The following PLCH2 variants were observed in gnomAD, a reference collection of about 807,000 sequenced individuals.
PLCH2 encodes phospholipase C eta 2, also known as 1-phosphatidylinositol 4,5-bisphosphate phosphodiesterase eta-2.
Under a neutral mutation model 134.7 loss-of-function variants are expected in PLCH2, and 98 were observed. That is an observed-to-expected ratio of 0.73 (90% CI 0.62 to 0.86). The LOEUF (loss-of-function observed/expected upper bound fraction) is 0.86. PLCH2 is among the 40% of genes least tolerant of loss of function. The pLI is 0.00. For synonymous variants in PLCH2, 974 were observed against 827.5 expected, an observed-to-expected ratio of 1.18 and a Z score of -3.04; for missense variants, 1,994 against 1,986.6, an observed-to-expected ratio of 1.00 and a Z score of -0.07.
chr1:2,477,698 G>A (rs1048567308), intron 1 of PLCH2, among the ~76,000 whole-genome samples: 3 of 152,200 alleles, frequency 2.0e-5, no homozygotes, highest in Non-Finnish European at 4.4e-5. Context: ...GGGAGAGAAG[G>A]AGCGAGGCAG....
At position 2,479,724 on chromosome 1, in the gene PLCH2, C is replaced by T; in HGVS notation, c.272-10C>T. ...GGGGACCTGACCCGTGCTCCCTCCC[C>T]ACCCCGCAGTCTCCATCGACTCCAT... On this transcript the variant is annotated splice_polypyrimidine_tract_variant and intron_variant, in intron 2 of 21. Coordinates refer to ENST00000378486, the MANE Select transcript of PLCH2 (RefSeq NM_014638.4). The T allele has an allele frequency of 2.0e-6, 3 of 1,529,430 alleles. No individual in the cohort carries two copies. Among genetic ancestry groups the T allele is most frequent in the Non-Finnish European group, 2.7e-6 (3 of 1,130,392 alleles). 94.7% of individuals were successfully genotyped at this position (1,529,430 alleles called of 1,614,324 possible).
upstream of PLCH2, among the ~76,000 whole-genome samples, chr1:2,472,242 G>A (rs905748214): frequency 1.3e-5 from 2 of 152,158 alleles, no homozygotes; most frequent in African/African-American, 2.4e-5. Flanking sequence ...AATAATCTCC[G>A]CCATATGTGT....
In PLCH2 at chr1:2,502,427, G is replaced by T; in HGVS notation, c.2959+18G>T. 6.5e-7 allele frequency: 1 copy of T among 1,544,028 alleles called. No individual in the cohort carries two copies. Among genetic ancestry groups the T allele is most frequent in the Non-Finnish European group, 8.7e-7 (1 of 1,145,810 alleles). On this transcript the variant is annotated intron_variant, in intron 21 of 21. Transcript: ENST00000378486. The stretch of plus-strand genomic sequence containing the variant: ...CCCCCGAGGTAAGGCGCCAGCTGCG[G>T]TGGCAGAGAAGAGCCCTGTGCGAGT...
chr1:2,418,412 C>T, the PLCH2 span, among the ~76,000 whole-genome samples: 1 of 152,146 alleles, frequency 6.6e-6, no homozygotes, highest in Non-Finnish European at 1.5e-5. Context: ...CTGGGGGTCT[C>T]AGTGGAGGGG....
At chr1:2,497,755 G>A (rs1165758778) in intron 16 of PLCH2, 146 bp downstream of exon 16, 11 of 558,074 alleles carry the variant, frequency 2.0e-5, no homozygotes, top group African/African-American at 1.3e-4. Flanking sequence ...AGGTTGGGAC[G>A]AAGCTCCCAG....
chr1:2,479,313 C>T (rs571876407), intron 2 of PLCH2: 9 of 173,896 alleles, frequency 5.2e-5, no homozygotes, highest in East Asian at 3.0e-4. Context: ...ACAAGAGCCT[C>T]GATGCACCTG....
At chr1:2,490,420 G>A (rs978462616) in intron 10 of PLCH2, among the ~76,000 whole-genome samples, 3 of 152,240 alleles carry the variant, frequency 2.0e-5, no homozygotes, top group South Asian at 2.1e-4. Context: ...CTGTGTCCCC[G>A]CCAGGGCCAG....
At chr1:2,502,831 G>C (rs1301887437) in intron 21 of PLCH2, 2 of 717,046 alleles carry the variant, frequency 2.8e-6, no homozygotes, top group African/African-American at 3.5e-5. Context: ...GGCAACCGGG[G>C]GCCCTGCAGG....
intron 2 of PLCH2, among the ~76,000 whole-genome samples, chr1:2,451,743 G>T (rs1640241625): frequency 6.6e-6 from 1 of 152,164 alleles, no homozygotes; most frequent in Non-Finnish European, 1.5e-5. Context: ...CTCCCTGGGG[G>T]CTGGGCAGCG....
At chr1:2,483,658 C>A (rs1291427460) in intron 4 of PLCH2, among the ~76,000 whole-genome samples, 3 of 152,134 alleles carry the variant, frequency 2.0e-5, no homozygotes, top group Non-Finnish European at 4.4e-5. Context: ...CATCCCCTTC[C>A]ATGGGGACTT....
intron 11 of PLCH2, chr1:2,492,293 T>C (rs1642629778): frequency 6.6e-6 from 1 of 152,232 alleles, no homozygotes; most frequent in Non-Finnish European, 1.5e-5. Context: ...TCGAGGAACA[T>C]GCCCTGTGCA....
intron 2 of PLCH2, among the ~76,000 whole-genome samples, chr1:2,452,466 T>A (rs917067021): frequency 6.6e-6 from 1 of 152,056 alleles, no homozygotes; most frequent in Non-Finnish European, 1.5e-5. Context: ...CCTCCCTGCC[T>A]GTTCCCTGCC....
the PLCH2 span, among the ~76,000 whole-genome samples, chr1:2,419,488 G>A: frequency 6.6e-6 from 1 of 152,134 alleles, no homozygotes; most frequent in African/African-American, 2.4e-5. Context: ...TTGGTCGGGG[G>A]GGTTTTCCAC....
chr1:2,467,302 G>A (rs1206252519), upstream of PLCH2, among the ~76,000 whole-genome samples: 2 of 152,114 alleles, frequency 1.3e-5, no homozygotes, highest in Non-Finnish European at 2.9e-5. Flanking sequence ...CTCAGCTCCC[G>A]CCAGAGACCC....
Position 2,499,126 on chromosome 1 carries a change from A to C in PLCH2, c.2477A>C (p.His826Pro), listed in dbSNP as rs1470580728. 6.2e-7 allele frequency: 1 copy of C among 1,612,492 alleles called. No individual in the cohort carries two copies. Among genetic ancestry groups the C allele is most frequent in the African/African-American group, 1.3e-5 (1 of 74,914 alleles). ...GAGGAGACCCTGGTTTTCATGGTGC[A>C]CATGCCGGAGATCGCGCTGGTCCGC... ...TWEETLVFMV[H>P]MPEIALVRFL... is the part of the protein sequence containing the mutation. Residue 826 changes from histidine (H) to proline (P), a missense_variant, in exon 19 of 22, where the codon CAC (histidine) becomes CCC (proline). Transcript: ENST00000378486.
At chr1:2,453,774 A>G (rs1357948294) in intron 2 of PLCH2, among the ~76,000 whole-genome samples, 4 of 152,162 alleles carry the variant, frequency 2.6e-5, no homozygotes, top group African/African-American at 9.7e-5. Flanking sequence ...TGACTCCAGC[A>G]GATGCCAGCC....
chr1:2,431,153 T>C (rs1172434274), intron 2 of PLCH2, among the ~76,000 whole-genome samples: 1 of 151,994 alleles, frequency 6.6e-6, no homozygotes, highest in Non-Finnish European at 1.5e-5. Context: ...TGTGCGTGTG[T>C]GTGTGTGTGC....
chr1:2,425,779 T>A (rs953980488), upstream of PLCH2, among the ~76,000 whole-genome samples: 1 of 151,362 alleles, frequency 6.6e-6, no homozygotes, highest in African/African-American at 2.4e-5. Context: ...TGCCTTGGCC[T>A]CCCAAAGTTC....
In PLCH2 at chr1:2,484,010, G is replaced by T. The variant is rs1309952704; in HGVS notation, c.646-438G>T. 3.4e-5 allele frequency among the ~76,000 whole-genome samples: 5 copies of T among 147,608 alleles called. 1 individual carries two copies. The highest frequency in any genetic ancestry group is 7.5e-5 in the Non-Finnish European group (5 of 66,418). ...GGGGGGGCGCTGACTCCCGTGTGGGGGGGCGCTGACTCCCGTGTGGGTGGC... is the reference window on the plus strand; with the variant it reads ...GGGGGGGCGCTGACTCCCGTGTGGGTGGGCGCTGACTCCCGTGTGGGTGGC... On this transcript the variant is annotated intron_variant, in intron 4 of 21. Coordinates refer to ENST00000378486, the MANE Select transcript of PLCH2 (RefSeq NM_014638.4).
Sources: gnomAD v4.1 joint callset for allele counts (sites outside exome capture counted in the v4.1 genomes callset) on GRCh38, gnomAD v4.1.1 for gene constraint, MANE v1.5 for transcripts, NCBI Gene and HGNC (gene_info 2026-07-23, HGNC 2026-07-21) for gene names.